Variants in RAB3C observed in about 807,000 individuals in gnomAD.
RAB3C encodes ras-related protein Rab-3C.
Under a neutral mutation model 26.4 loss-of-function variants are expected in RAB3C, and 17 were observed. That is an observed-to-expected ratio of 0.64 (90% CI 0.44 to 0.97). The LOEUF is 0.97. Ranked by LOEUF, RAB3C falls within the 50% of genes least tolerant of loss-of-function variation. RAB3C has a pLI of 0.00. For synonymous variants in RAB3C, 91 were observed against 95.9 expected (o/e 0.95, Z 0.30); for missense variants, 242 against 281.9 (o/e 0.86, Z 1.01).
At chr5:58,834,003 G>A (rs1188436372) in intron 4 of RAB3C, among the ~76,000 whole-genome samples, 1 of 152,148 alleles carries the variant, frequency 6.6e-6, no homozygotes, top group South Asian at 2.1e-4. Flanking sequence ...TTCATTCAAT[G>A]TCTTTTTGAT....
intron 2 of RAB3C, among the ~76,000 whole-genome samples, chr5:58,717,106 G>A (rs1040007569): frequency 2.0e-5 from 3 of 152,036 alleles, no homozygotes; most frequent in Non-Finnish European, 2.9e-5. Context: ...TCAGTTTTGC[G>A]TGAACCTAAA....
chr5:58,838,886 G>T (rs1357335064), intron 4 of RAB3C, among the ~76,000 whole-genome samples: 1 of 152,082 alleles, frequency 6.6e-6, no homozygotes, highest in Non-Finnish European at 1.5e-5. Flanking sequence ...GTGCTGTGGT[G>T]TCAGGTGCAT....
intron 4 of RAB3C, among the ~76,000 whole-genome samples, chr5:58,839,920 T>C (rs939270110): frequency 2.0e-5 from 3 of 151,540 alleles, no homozygotes; most frequent in Non-Finnish European, 4.4e-5. Flanking sequence ...GGTTTTTTTT[T>C]TTCTTTTGGT....
At chr5:58,614,779 T>C (rs758323125) in intron 1 of RAB3C, among the ~76,000 whole-genome samples, 1 of 152,140 alleles carries the variant, frequency 6.6e-6, no homozygotes, top group Non-Finnish European at 1.5e-5. Context: ...ACCCTTCATA[T>C]ACATGAGCTC....
In RAB3C at chr5:58,786,477, C is replaced by T. The variant is rs75933027; in HGVS notation, c.372-38561C>T. 2.5e-3 allele frequency among the ~76,000 whole-genome samples: 384 copies of T among 152,234 alleles called. 6 individuals carry two copies. The highest frequency in any genetic ancestry group is 0.019 in the East Asian group (96 of 5,166). ...GGGACGCACAGTTCCCTCCCACTCT[C>T]TTTCCTTGGCCTCTCCTCCCCGCCC... On this transcript the variant is annotated intron_variant, in intron 3 of 4. Coordinates refer to ENST00000282878, the MANE Select transcript of RAB3C (RefSeq NM_138453.4).
chr5:58,622,835 C>CA (rs1159310639), intron 2 of RAB3C, among the ~76,000 whole-genome samples: 1 of 152,178 alleles, frequency 6.6e-6, no homozygotes, highest in Non-Finnish European at 1.5e-5. Flanking sequence ...GTTATAGTCA[C>CA]AAGCAGGATT....
At chr5:58,728,147 A>G (rs533955670) in intron 3 of RAB3C, among the ~76,000 whole-genome samples, 1 of 152,012 alleles carries the variant, frequency 6.6e-6, no homozygotes, top group Non-Finnish European at 1.5e-5. Flanking sequence ...TTCATCCAAA[A>G]TTAGATGATC....
At chr5:58,767,857 GA>G (rs1412459204) in intron 3 of RAB3C, among the ~76,000 whole-genome samples, 2 of 152,152 alleles carry the variant, frequency 1.3e-5, no homozygotes, top group African/African-American at 4.8e-5. Context: ...GAATAGGCAA[GA>G]AAAATATGGG....
intron 1 of RAB3C, among the ~76,000 whole-genome samples, chr5:58,590,991 T>TA (rs1746116421): frequency 6.6e-6 from 1 of 152,236 alleles, no homozygotes; most frequent in South Asian, 2.1e-4. Flanking sequence ...ATTTGGCACT[T>TA]ATGATGTTTT....
At chr5:58,617,161 T>C (rs930286769) in intron 1 of RAB3C, among the ~76,000 whole-genome samples, 40 of 152,186 alleles carry the variant, frequency 2.6e-4, no homozygotes, top group Admixed American at 1.3e-3. Context: ...GTTGATTTGA[T>C]ATGATAATAA....
intron 3 of RAB3C, among the ~76,000 whole-genome samples, chr5:58,776,630 G>A (rs763687881): frequency 3.1e-4 from 47 of 151,480 alleles, no homozygotes; most frequent in Middle Eastern, 6.4e-3. Context: ...TTTTCTCTGC[G>A]ATATTGCTCA....
intron 3 of RAB3C, among the ~76,000 whole-genome samples, chr5:58,807,283 T>C (rs1011627155): frequency 1.3e-5 from 2 of 152,190 alleles, no homozygotes; most frequent in Admixed American, 6.5e-5. Flanking sequence ...AGGTGATCTG[T>C]CTCTGCCTAG....
Position 58,845,612 on chromosome 5 carries a change from A to ATATATATATATGTGTGTG in RAB3C, c.497-5551_497-5550insATATATATATGTGTGTGT. Among the ~76,000 whole-genome samples, 70 of 81,718 alleles carry ATATATATATATGTGTGTG rather than the reference A, an allele frequency of 8.6e-4. 1 individual carries two copies. The highest frequency in any genetic ancestry group is 3.4e-3 in the African/African-American group (59 of 17,204). The allele number at this position is 81,718 out of a possible 152,430, so 53.6% of individuals were successfully genotyped here. A position where few individuals can be genotyped will look rare whatever the true frequency, so the allele number is the denominator to read the frequency against. ...ATTCTTACTATATATATATATATATATGTGTGTGTGTGTGTGTGTATATGT... is the reference window on the plus strand; with the variant it reads ...ATTCTTACTATATATATATATATATATATATATATATGTGTGTGTGTGTGTGTGTGTGTGTGTATATGT... On this transcript the variant is annotated intron_variant, in intron 4 of 4. Coordinates refer to ENST00000282878, the MANE Select transcript of RAB3C (RefSeq NM_138453.4).
chr5:58,720,113 A>G (rs1393662151), intron 2 of RAB3C, among the ~76,000 whole-genome samples: 1 of 151,864 alleles, frequency 6.6e-6, no homozygotes, highest in Non-Finnish European at 1.5e-5. Flanking sequence ...CTCTATTACA[A>G]TTTTAAATTG....
intron 3 of RAB3C, among the ~76,000 whole-genome samples, chr5:58,762,505 C>T (rs1185575291): frequency 6.6e-6 from 1 of 152,018 alleles, no homozygotes; most frequent in Non-Finnish European, 1.5e-5. Context: ...CTAGCCTGGC[C>T]AACATGGAGA....
At chr5:58,822,617 A>G (rs1579938009) in intron 3 of RAB3C, 1 of 308,810 alleles carries the variant, frequency 3.2e-6, no homozygotes, top group East Asian at 7.0e-5. Context: ...TCTGTGATAC[A>G]GGATAAAAAT....
chr5:58,824,136 T>C (rs1743418629), intron 3 of RAB3C, among the ~76,000 whole-genome samples: 1 of 152,028 alleles, frequency 6.6e-6, no homozygotes. Context: ...TGTTGGACAT[T>C]TGGGTTGGTT....
At chr5:58,605,021 C>T (rs1039340674) in intron 1 of RAB3C, among the ~76,000 whole-genome samples, 2 of 152,134 alleles carry the variant, frequency 1.3e-5, no homozygotes, top group African/African-American at 4.8e-5. Flanking sequence ...TTTCTCTTGG[C>T]TTGGCTCTCT....
intron 3 of RAB3C, among the ~76,000 whole-genome samples, chr5:58,818,123 C>T (rs72762146): frequency 0.012 from 1,870 of 152,244 alleles, 23 homozygotes; most frequent in Non-Finnish European, 0.019. Context: ...CACTGAGGTG[C>T]ATTTTGTGGA....
Sources: allele counts gnomAD v4.1 joint callset (sites outside exome capture counted in the v4.1 genomes callset), GRCh38; gene constraint gnomAD v4.1.1; transcripts MANE v1.5; gene names NCBI Gene and HGNC (gene_info 2026-07-23, HGNC 2026-07-21).